The following NOL10 variants were observed in gnomAD, a reference collection of about 807,000 sequenced individuals.
The protein encoded by NOL10 is H_NH0074G24.1.
A neutral mutation model predicts 103.5 loss-of-function variants in NOL10; 58 were observed. The ratio of observed to expected loss-of-function variants is 0.56; its 90% CI spans 0.45 to 0.70. NOL10 has a LOEUF of 0.70. Ranked by LOEUF, NOL10 falls within the 30% of genes least tolerant of loss-of-function variation. NOL10 has a pLI of 0.00. For synonymous variants in NOL10, 287 were observed against 282.5 expected (o/e 1.02, Z -0.16); for missense variants, 763 against 807.3 (o/e 0.95, Z 0.67).
At chr2:10,607,480 A>C (rs1460940203) in intron 13 of NOL10, among the ~76,000 whole-genome samples, 169 bp from the exon 14 acceptor site, 1 of 152,230 alleles carries the variant, frequency 6.6e-6, no homozygotes, top group African/African-American at 2.4e-5. Flanking sequence ...AACAGAAGAG[A>C]ATAAACAAAG....
At chr2:10,653,602 C>T (rs1053160417) in intron 12 of NOL10, among the ~76,000 whole-genome samples, 2 of 152,136 alleles carry the variant, frequency 1.3e-5, no homozygotes, top group African/African-American at 4.8e-5. Flanking sequence ...CTCTCTGCCT[C>T]CCACTTCAGC....
intron 13 of NOL10, among the ~76,000 whole-genome samples, chr2:10,611,407 C>T (rs1039271746): frequency 6.6e-6 from 1 of 152,174 alleles, no homozygotes; most frequent in African/African-American, 2.4e-5. Flanking sequence ...TACAATTTGT[C>T]TTTAAGATGT....
chr2:10,686,803 G>T (rs140955125), intron 1 of NOL10, among the ~76,000 whole-genome samples: 1 of 147,836 alleles, frequency 6.8e-6, no homozygotes, highest in African/African-American at 2.4e-5. Context: ...GGATGGAGTT[G>T]CCACTGGCTG....
chr2:10,656,659 G>C (rs1329758381), intron 11 of NOL10, among the ~76,000 whole-genome samples: 1 of 152,256 alleles, frequency 6.6e-6, no homozygotes, highest in Admixed American at 6.5e-5. Context: ...TGCAGCGTGT[G>C]TGCCTGGGCA....
intron 13 of NOL10, among the ~76,000 whole-genome samples, chr2:10,632,900 C>T (rs1157349896): frequency 6.6e-6 from 1 of 152,160 alleles, no homozygotes; most frequent in East Asian, 1.9e-4. Context: ...AACTCCTGGG[C>T]TCAAGTGATC....
At chr2:10,660,850 T>C (rs1680150926) in intron 9 of NOL10, among the ~76,000 whole-genome samples, 1 of 151,796 alleles carries the variant, frequency 6.6e-6, no homozygotes, top group Non-Finnish European at 1.5e-5. Flanking sequence ...ATTCAACACT[T>C]ACACTTATTG....
chr2:10,585,884 G>C (rs1674999533), intron 19 of NOL10, among the ~76,000 whole-genome samples: 1 of 152,164 alleles, frequency 6.6e-6, no homozygotes, highest in Admixed American at 6.5e-5. Flanking sequence ...AATTTTTTCT[G>C]AATATTTTCA....
chr2:10,619,461 G>C (rs1485848865), intron 13 of NOL10, among the ~76,000 whole-genome samples: 1 of 152,164 alleles, frequency 6.6e-6, no homozygotes, highest in African/African-American at 2.4e-5. Context: ...CCAAACCACT[G>C]TAGTTTAAGT....
chr2:10,638,299 T>C (rs1572349085), intron 13 of NOL10, among the ~76,000 whole-genome samples: 1 of 97,178 alleles, frequency 1.0e-5, no homozygotes. Context: ...AAAAATAACG[T>C]AACGTGACGT....
At chr2:10,598,464 C>T (rs1002136675) in intron 17 of NOL10, among the ~76,000 whole-genome samples, 1 of 152,154 alleles carries the variant, frequency 6.6e-6, no homozygotes, top group Non-Finnish European at 1.5e-5. Flanking sequence ...TGTGGGAATA[C>T]AGGGAATGTG....
At chr2:10,610,058 C>T (rs1268750743) in intron 13 of NOL10, among the ~76,000 whole-genome samples, 2 of 152,148 alleles carry the variant, frequency 1.3e-5, no homozygotes, top group Non-Finnish European at 2.9e-5. Context: ...ATTCCTTATT[C>T]AGACAAAAAC....
chr2:10,580,754 T>C (rs1329671750), intron 19 of NOL10, among the ~76,000 whole-genome samples: 1 of 152,144 alleles, frequency 6.6e-6, no homozygotes, highest in Admixed American at 6.6e-5. Flanking sequence ...CACACACATA[T>C]TTAATTAAAA....
chr2:10,611,955 A>AACAAAT (rs1217932497), intron 13 of NOL10, among the ~76,000 whole-genome samples: 4 of 151,778 alleles, frequency 2.6e-5, no homozygotes, highest in Admixed American at 6.6e-5. Context: ...CAAAAACAAA[A>AACAAAT]ACAGACTGTT....
chr2:10,616,789 T>C (rs1165721316), intron 13 of NOL10, among the ~76,000 whole-genome samples: 3 of 152,030 alleles, frequency 2.0e-5, no homozygotes, highest in African/African-American at 7.2e-5. Flanking sequence ...GCTATAGTGA[T>C]CCACTGGCCT....
chr2:10,573,676 T>C (rs903926320), intron 20 of NOL10, among the ~76,000 whole-genome samples: 3 of 145,820 alleles, frequency 2.1e-5, no homozygotes, highest in African/African-American at 7.8e-5. Context: ...AAAAAAAGGA[T>C]GCATTTCTCC....
At chr2:10,662,522 G>A (rs2148325970) in intron 9 of NOL10, among the ~76,000 whole-genome samples, 1 of 152,258 alleles carries the variant, frequency 6.6e-6, no homozygotes, top group South Asian at 2.1e-4. Context: ...TCATAAAACT[G>A]TAAATGGATG....
intron 20 of NOL10, among the ~76,000 whole-genome samples, chr2:10,573,047 T>G (rs1448091362): frequency 2.1e-5 from 3 of 146,330 alleles, no homozygotes; most frequent in African/African-American, 7.8e-5. Context: ...AAATACAAAC[T>G]CCTGAAGGTA....
chr2:10,579,424 T>A (rs2148144358), intron 19 of NOL10, among the ~76,000 whole-genome samples: 1 of 152,292 alleles, frequency 6.6e-6, no homozygotes, highest in African/African-American at 2.4e-5. Context: ...GGATTCCAAT[T>A]TCAGAATTGC....
rs576921787 is a variant in NOL10, at chr2:10,598,410, A to C, written c.1422+2443T>G. 2.0e-5 allele frequency among the ~76,000 whole-genome samples: 3 copies of C among 152,222 alleles called. No individual in the cohort carries two copies. In the South Asian group the frequency reaches 6.2e-4, roughly 31 times the overall value. On this transcript the variant is annotated intron_variant, in intron 17 of 20. Transcript: ENST00000381685. ...AACAAGATAAAACTGCAACAACAAA[A>C]ATGTGAATCAAATTTAAAGGGAGTT...
Sources: allele counts gnomAD v4.1 joint callset (sites outside exome capture counted in the v4.1 genomes callset), GRCh38; gene constraint gnomAD v4.1.1; transcripts MANE v1.5; gene names NCBI Gene and HGNC (gene_info 2026-07-23, HGNC 2026-07-21).